RAD51B: variants seen among roughly 807,000 people sequenced by gnomAD.
The protein encoded by RAD51B is RAD51 paralog B.
A neutral mutation model predicts 42.2 loss-of-function variants in RAD51B; 38 were observed. The ratio of observed to expected loss-of-function variants is 0.90; its 90% CI spans 0.70 to 1.18. RAD51B has a LOEUF of 1.18. RAD51B is among the 50% of genes most tolerant of loss of function. The pLI is 0.00. For synonymous variants in RAD51B, 154 were observed against 145.2 expected, an observed-to-expected ratio of 1.06 and a Z score of -0.43; for missense variants, 373 against 400.7, an observed-to-expected ratio of 0.93 and a Z score of 0.59.
chr14:68,376,323 AAAC>A (rs1376270012), intron 8 of RAD51B, among the ~76,000 whole-genome samples: 1 of 152,308 alleles, frequency 6.6e-6, no homozygotes, highest in African/African-American at 2.4e-5. Context: ...TAAAAACAAA[AAAC>A]AACCCACCAC....
intron 7 of RAD51B, among the ~76,000 whole-genome samples, chr14:68,047,082 T>C (rs1226472011): frequency 1.3e-5 from 2 of 152,042 alleles, no homozygotes; most frequent in Non-Finnish European, 1.5e-5. Flanking sequence ...TAAGGTTTTA[T>C]TTATTTGTAG....
At chr14:68,611,897 A>G (rs1891694419), downstream of RAD51B, among the ~76,000 whole-genome samples, 1 of 150,928 alleles carries the variant, frequency 6.6e-6, no homozygotes, top group Non-Finnish European at 1.5e-5. Context: ...TTTTTTTTTC[A>G]GCAATAAGGA....
At chr14:68,628,650 T>C (rs1183597357) in intron 10 of RAD51B, among the ~76,000 whole-genome samples, 2 of 152,294 alleles carry the variant, frequency 1.3e-5, no homozygotes, top group South Asian at 2.1e-4. Context: ...TTGCGCCAAG[T>C]TGACTCTGCC....
At chr14:68,178,749 T>G (rs576652445) in intron 7 of RAD51B, among the ~76,000 whole-genome samples, 40 of 152,170 alleles carry the variant, frequency 2.6e-4, no homozygotes, top group Non-Finnish European at 4.3e-4. Flanking sequence ...AAAGCACCAT[T>G]AGAATTCTCC....
chr14:68,264,280 C>G (rs1277538625), intron 7 of RAD51B, among the ~76,000 whole-genome samples: 1 of 152,184 alleles, frequency 6.6e-6, no homozygotes, highest in Non-Finnish European at 1.5e-5. Flanking sequence ...TGGGACTACT[C>G]TAAAGGAAAT....
chr14:68,633,725 G>C (rs1167445730), intron 10 of RAD51B, among the ~76,000 whole-genome samples: 1 of 152,244 alleles, frequency 6.6e-6, no homozygotes, highest in African/African-American at 2.4e-5. Context: ...CTGTGGGCTG[G>C]AGCTCGTGGG....
intron 4 of RAD51B, among the ~76,000 whole-genome samples, chr14:67,852,743 A>ATG (rs1220721424): frequency 3.3e-5 from 5 of 152,158 alleles, no homozygotes; most frequent in Non-Finnish European, 7.4e-5. Context: ...TGATATATGC[A>ATG]TGTGTGTAAA....
chr14:68,549,637 A>C (rs977308195), intron 10 of RAD51B, among the ~76,000 whole-genome samples: 1 of 150,852 alleles, frequency 6.6e-6, no homozygotes, highest in Non-Finnish European at 1.5e-5. Context: ...GATGGTCTCG[A>C]TCTCCTGACC....
chr14:68,269,078 TGAA>T (rs1367209128), intron 7 of RAD51B, among the ~76,000 whole-genome samples: 6 of 152,178 alleles, frequency 3.9e-5, no homozygotes, highest in Admixed American at 1.3e-4. Context: ...CTCAGTGGCC[TGAA>T]GAAGAAGAGC....
chr14:68,545,703 ATTATCTGCTTG>A (rs1566933335), intron 10 of RAD51B: 1 of 449,544 alleles, frequency 2.2e-6, no homozygotes, highest in African/African-American at 2.0e-5. Context: ...CTAAATATTT[ATTATCTGCTTG>A]TTATCTGCCA....
intron 7 of RAD51B, among the ~76,000 whole-genome samples, chr14:68,275,780 T>C (rs1226005140): frequency 1.4e-5 from 2 of 145,522 alleles, no homozygotes; most frequent in African/African-American, 5.2e-5. Flanking sequence ...TAAATACAGT[T>C]TGAAACTAGC....
At chr14:68,074,947 C>A (rs1309948472) in intron 7 of RAD51B, among the ~76,000 whole-genome samples, 3 of 152,212 alleles carry the variant, frequency 2.0e-5, no homozygotes, top group African/African-American at 7.2e-5. Flanking sequence ...CTGAGAATGT[C>A]AGCTCCTCTC....
intron 7 of RAD51B, among the ~76,000 whole-genome samples, chr14:68,197,318 C>T (rs2079392796): frequency 6.6e-6 from 1 of 152,048 alleles, no homozygotes; most frequent in Admixed American, 6.6e-5. Flanking sequence ...TTTCAGACGG[C>T]CTTTCTTTTT....
intron 7 of RAD51B, among the ~76,000 whole-genome samples, chr14:67,938,653 A>G (rs763815649): frequency 6.6e-6 from 1 of 152,214 alleles, no homozygotes; most frequent in Non-Finnish European, 1.5e-5. Context: ...TGCTTTGTAG[A>G]TGATGCTGTA....
intron 7 of RAD51B, among the ~76,000 whole-genome samples, chr14:67,971,809 A>G (rs1017177695): frequency 6.6e-6 from 1 of 152,002 alleles, no homozygotes; most frequent in Non-Finnish European, 1.5e-5. Flanking sequence ...GATGAGTCAC[A>G]TCACTCTGCT....
At chr14:67,898,888 C>T (rs2043513223) in intron 7 of RAD51B, among the ~76,000 whole-genome samples, 1 of 152,080 alleles carries the variant, frequency 6.6e-6, no homozygotes, top group South Asian at 2.1e-4. Flanking sequence ...GTTTTATTAT[C>T]TTCCAATACA....
intron 7 of RAD51B, among the ~76,000 whole-genome samples, chr14:68,125,758 TG>T (rs199694142): frequency 6.1e-4 from 93 of 152,034 alleles, no homozygotes; most frequent in African/African-American, 2.1e-3. Context: ...TGTTTTGTTT[TG>T]TTTTTTCAAA....
intron 7 of RAD51B, among the ~76,000 whole-genome samples, chr14:68,119,539 A>T (rs113275574): frequency 7.3e-6 from 1 of 136,462 alleles, no homozygotes; most frequent in Admixed American, 8.4e-5. Flanking sequence ...TCATTGTTCA[A>T]TTCCCACCTA....
intron 9 of RAD51B, among the ~76,000 whole-genome samples, chr14:68,458,348 G>A (rs1315933891): frequency 1.3e-5 from 2 of 152,118 alleles, no homozygotes; most frequent in South Asian, 4.1e-4. Flanking sequence ...GTTTGAAAAG[G>A]TTCATAATAA....
Sources: gnomAD v4.1 joint callset for allele counts (sites outside exome capture counted in the v4.1 genomes callset) on GRCh38, gnomAD v4.1.1 for gene constraint, MANE v1.5 for transcripts, NCBI Gene and HGNC (gene_info 2026-07-23, HGNC 2026-07-21) for gene names.